STX5: variants seen among roughly 807,000 people sequenced by gnomAD.
STX5 encodes the protein syntaxin 5.
STX5 carries 15 observed loss-of-function variants against 42.9 expected under a neutral mutation model. That is an observed-to-expected ratio of 0.35 (90% CI 0.23 to 0.54). The LOEUF (loss-of-function observed/expected upper bound fraction) is 0.54. Ranked by LOEUF, STX5 falls within the 20% of genes least tolerant of loss-of-function variation. The pLI is 0.91. For synonymous variants in STX5, 184 were observed against 173.2 expected (o/e 1.06, Z -0.49); for missense variants, 430 against 455.0 (o/e 0.95, Z 0.50).
intron 10 of STX5, among the ~76,000 whole-genome samples, chr11:62,808,849 T>C (rs1191931575): frequency 6.6e-6 from 1 of 152,186 alleles, no homozygotes; most frequent in African/African-American, 2.4e-5. Flanking sequence ...ATTTAATCAG[T>C]GTTAGATTTA....
rs543642684 is a variant in STX5, at chr11:62,809,180, C to T, written c.909-1552G>A. Among the ~76,000 whole-genome samples the T allele has an allele frequency of 2.0e-3, 295 of 149,332 alleles. 2 individuals are homozygous for T. Among genetic ancestry groups the T allele is most frequent in the African/African-American group, 6.8e-3 (276 of 40,458 alleles). On this transcript the variant is annotated intron_variant, in intron 10 of 10. Coordinates refer to ENST00000294179, the MANE Select transcript of STX5 (RefSeq NM_003164.5). ...GCGGGCACCTGTAGTCCCGGCTATTCGGGAGGCTGAGGCAGGAGAATGGCT... is the reference window on the plus strand; with the variant it reads ...GCGGGCACCTGTAGTCCCGGCTATTTGGGAGGCTGAGGCAGGAGAATGGCT...
chr11:62,815,986 A>G (rs1349336681), intron 10 of STX5: 1 of 152,152 alleles, frequency 6.6e-6, no homozygotes, highest in Non-Finnish European at 1.5e-5. Flanking sequence ...AAAGCTTCAC[A>G]AATTTGTGCC....
chr11:62,814,519 AC>A (rs2084652145), intron 10 of STX5, among the ~76,000 whole-genome samples: 1 of 150,988 alleles, frequency 6.6e-6, no homozygotes, highest in African/African-American at 2.4e-5. Context: ...CTGGAGTGCA[AC>A]GGCGTGATCT....
intron 5 of STX5, among the ~76,000 whole-genome samples, chr11:62,826,798 T>C (rs1028141550): frequency 1.3e-5 from 2 of 149,844 alleles, no homozygotes; most frequent in Non-Finnish European, 3.0e-5. Flanking sequence ...GAGAATCGCT[T>C]GCACCTGGGA....
chr11:62,813,092 T>A (rs1444309817), intron 10 of STX5, among the ~76,000 whole-genome samples: 10 of 84,128 alleles, frequency 1.2e-4, no homozygotes, highest in South Asian at 3.9e-4. Flanking sequence ...AGACTCCGTC[T>A]CAAAAAAAAA....
intron 8 of STX5, 74 bp downstream of exon 8, chr11:62,824,960 TGC>T (rs2084778204): frequency 6.8e-7 from 1 of 1,463,814 alleles, no homozygotes; most frequent in South Asian, 1.2e-5. Flanking sequence ...ACCCAACCCG[TGC>T]CTTTAGAGGA....
At chr11:62,817,840 A>C (rs1055886198) in intron 10 of STX5, among the ~76,000 whole-genome samples, 2 of 152,202 alleles carry the variant, frequency 1.3e-5, no homozygotes, top group Non-Finnish European at 2.9e-5. Context: ...AATAAATATA[A>C]ACTTATTATA....
chr11:62,825,225 T>A (rs1032931098), intron 7 of STX5, 58 bp downstream of exon 7: 1 of 1,612,648 alleles, frequency 6.2e-7, no homozygotes, highest in African/African-American at 1.3e-5. Context: ...CCCTTCTTCA[T>A]TTCCCTCTTG....
chr11:62,814,405 C>A (rs2084650150), intron 10 of STX5, among the ~76,000 whole-genome samples: 1 of 152,084 alleles, frequency 6.6e-6, no homozygotes, highest in Admixed American at 6.6e-5. Flanking sequence ...AGGTGATCCA[C>A]CCACTTCTGC....
intron 10 of STX5, among the ~76,000 whole-genome samples, chr11:62,821,326 C>G (rs1487827668): frequency 2.0e-5 from 3 of 152,024 alleles, no homozygotes; most frequent in African/African-American, 7.2e-5. Context: ...AAAAACCTGT[C>G]AAAATCTTGA....
At chr11:62,828,043 A>G (rs1213641387) in intron 2 of STX5, among the ~76,000 whole-genome samples, 1 of 150,724 alleles carries the variant, frequency 6.6e-6, no homozygotes, top group Non-Finnish European at 1.5e-5. Context: ...CAGGAAATCA[A>G]TAAGGATGAT....
rs1240512223 is a variant in STX5 at position 62,831,258 on chromosome 11, T to C, written c.-15A>G. On this transcript the variant is annotated 5_prime_UTR_variant, in exon 2 of 11. Transcript: ENST00000294179. ...CGCGGGATCATTGAGACGCATAACC[T>C]CGGACTGTTGTGGAGGGGAGAGTGT... 5 of 1,552,562 alleles carry C rather than the reference T, an allele frequency of 3.2e-6. No individual in the cohort carries two copies. In the East Asian group the frequency reaches 1.2e-4, roughly 37 times the overall value.
chr11:62,809,756 C>A (rs2084596175), intron 10 of STX5, among the ~76,000 whole-genome samples: 2 of 138,964 alleles, frequency 1.4e-5, no homozygotes, highest in Non-Finnish European at 3.1e-5. Flanking sequence ...GCTGTAGTAT[C>A]TAGGAATAAA....
intron 10 of STX5, among the ~76,000 whole-genome samples, chr11:62,818,971 G>C (rs534742558): frequency 1.3e-5 from 2 of 152,060 alleles, no homozygotes; most frequent in African/African-American, 4.8e-5. Flanking sequence ...TGTAATCCCA[G>C]CACTTTGGGA....
chr11:62,826,987 G>A (rs906926482), intron 5 of STX5, among the ~76,000 whole-genome samples, 168 bp downstream of exon 5: 2 of 152,008 alleles, frequency 1.3e-5, no homozygotes. Context: ...GGAGTTAAGG[G>A]CTGCAGTGAG....
At chr11:62,824,043 C>A in intron 10 of STX5, 123 bp downstream of exon 10, 1 of 1,498,086 alleles carries the variant, frequency 6.7e-7, no homozygotes, top group South Asian at 1.3e-5. Flanking sequence ...TGAACTGGGT[C>A]CCATGGGTGG....
At chr11:62,811,742 C>G (rs1249216716) in intron 10 of STX5, among the ~76,000 whole-genome samples, 1 of 151,804 alleles carries the variant, frequency 6.6e-6, no homozygotes, top group Non-Finnish European at 1.5e-5. Flanking sequence ...CTGCCTCGGC[C>G]TCCCAAAGTG....
intron 10 of STX5, among the ~76,000 whole-genome samples, chr11:62,818,760 G>A (rs1192522315): frequency 6.6e-6 from 1 of 151,180 alleles, no homozygotes; most frequent in Non-Finnish European, 1.5e-5. Context: ...CTACTCAGGA[G>A]GCTGAGGTGG....
rs1290714052 is a variant in STX5, at chr11:62,831,071, C to T, written c.173G>A (p.Arg58Gln). ...AGACAGAAACTCCTGGGTCCGATCCCGGCAGGACATGGTGTCGGGAGGGGG... is the reference window on the plus strand; with the variant it reads ...AGACAGAAACTCCTGGGTCCGATCCTGGCAGGACATGGTGTCGGGAGGGGG... The part of the protein sequence containing the change: ...VPPPPDTMSC[R>Q]DRTQEFLSAC... Residue 58 changes from arginine (R) to glutamine (Q), a missense_variant, in exon 2 of 11, where the codon CGG (arginine) becomes CAG (glutamine). Transcript: ENST00000294179. 4.5e-6 allele frequency: 7 copies of T among 1,554,792 alleles called. No homozygotes were observed. The highest frequency in any genetic ancestry group is 6.1e-6 in the Non-Finnish European group (7 of 1,149,980).
Sources: allele counts gnomAD v4.1 joint callset (sites outside exome capture counted in the v4.1 genomes callset), GRCh38; gene constraint gnomAD v4.1.1; transcripts MANE v1.5; gene names NCBI Gene and HGNC (gene_info 2026-07-23, HGNC 2026-07-21).